ISM1: variants seen among roughly 807,000 people sequenced by gnomAD.
ISM1 encodes the protein isthmin-1.
ISM1 carries 25 observed loss-of-function variants against 46.3 expected under a neutral mutation model. The observed-to-expected ratio is 0.54, with a 90% confidence interval of 0.39 to 0.75. ISM1 has a LOEUF of 0.75. Ranked by LOEUF, ISM1 falls within the 30% of genes least tolerant of loss-of-function variation. The pLI is 0.00. For missense variants in ISM1, 536 were observed against 625.4 expected, an observed-to-expected ratio of 0.86 and a Z score of 1.52; for synonymous variants, 255 against 256.7, an observed-to-expected ratio of 0.99 and a Z score of 0.06.
intron 1 of ISM1, among the ~76,000 whole-genome samples, chr20:13,233,258 G>T (rs939837917): frequency 4.6e-5 from 7 of 152,076 alleles, no homozygotes; most frequent in African/African-American, 1.7e-4. Flanking sequence ...CAAGTTTATT[G>T]CTGGGAATCT....
the ISM1 span, among the ~76,000 whole-genome samples, chr20:13,315,701 C>A: frequency 4.0e-3 from 606 of 152,070 alleles, 6 homozygotes; most frequent in African/African-American, 0.014. Context: ...AATACACTTT[C>A]TTCTCAAGCT....
chr20:13,283,793 G>A (rs774457143), intron 3 of ISM1, among the ~76,000 whole-genome samples: 4 of 152,120 alleles, frequency 2.6e-5, no homozygotes, highest in Non-Finnish European at 5.9e-5. Flanking sequence ...TGTTACTTGG[G>A]TTAGGACCCA....
At chr20:13,291,101 A>G (rs1386228396) in intron 4 of ISM1, among the ~76,000 whole-genome samples, 1 of 152,186 alleles carries the variant, frequency 6.6e-6, no homozygotes, top group African/African-American at 2.4e-5. Context: ...TGGTAGATTT[A>G]AGTGCCTTGT....
intron 1 of ISM1, among the ~76,000 whole-genome samples, chr20:13,258,644 C>T (rs1357156797): frequency 1.3e-5 from 2 of 152,016 alleles, no homozygotes; most frequent in South Asian, 2.1e-4. Context: ...TCTCTTTTCT[C>T]GAACCTCAGT....
At chr20:13,226,716 A>G (rs746936961) in intron 1 of ISM1, among the ~76,000 whole-genome samples, 2 of 152,182 alleles carry the variant, frequency 1.3e-5, no homozygotes, top group Non-Finnish European at 1.5e-5. Flanking sequence ...ATCCTTAAGG[A>G]GTCTAGCTCA....
At chr20:13,310,150 G>C in the ISM1 span, among the ~76,000 whole-genome samples, 1 of 152,070 alleles carries the variant, frequency 6.6e-6, no homozygotes, top group South Asian at 2.1e-4. Flanking sequence ...TTGAGCAAAA[G>C]GAACAAAGCT....
At chr20:13,293,026 C>T (rs997046235) in intron 5 of ISM1, among the ~76,000 whole-genome samples, 1 of 151,828 alleles carries the variant, frequency 6.6e-6, no homozygotes, top group East Asian at 1.9e-4. Flanking sequence ...GAAACCCCCC[C>T]GTCTCTACTA....
chr20:13,233,934 TG>T (rs1480767813), intron 1 of ISM1, among the ~76,000 whole-genome samples: 2 of 152,208 alleles, frequency 1.3e-5, no homozygotes, highest in Middle Eastern at 3.2e-3. Flanking sequence ...TTTTAAGCCA[TG>T]CCCAGAACTA....
downstream of ISM1, among the ~76,000 whole-genome samples, chr20:13,303,229 C>G (rs891741270): frequency 3.3e-5 from 5 of 152,230 alleles, no homozygotes; most frequent in Non-Finnish European, 5.9e-5. Flanking sequence ...CTCTCCTCTC[C>G]TCCTAACTCA....
intron 1 of ISM1, among the ~76,000 whole-genome samples, chr20:13,225,746 C>G (rs1308577851): frequency 6.6e-6 from 1 of 152,168 alleles, no homozygotes; most frequent in Non-Finnish European, 1.5e-5. Flanking sequence ...CATTAAAATG[C>G]ATGGAAACAT....
the ISM1 span, among the ~76,000 whole-genome samples, chr20:13,316,966 A>T: frequency 1.3e-5 from 2 of 152,048 alleles, no homozygotes; most frequent in African/African-American, 4.8e-5. Context: ...AATAAAAGCC[A>T]TATAGATTGA....
chr20:13,229,588 C>G (rs1347479204), intron 1 of ISM1, among the ~76,000 whole-genome samples: 1 of 152,166 alleles, frequency 6.6e-6, no homozygotes, highest in Non-Finnish European at 1.5e-5. Flanking sequence ...TGGTTTGTTT[C>G]CATTGCTTTG....
At chr20:13,293,474 T>G (rs1390407286) in intron 5 of ISM1, among the ~76,000 whole-genome samples, 1 of 151,912 alleles carries the variant, frequency 6.6e-6, no homozygotes, top group Admixed American at 6.6e-5. Context: ...CTGCCCTGCC[T>G]CCTCAGTCAA....
At chr20:13,320,666 GT>G in the ISM1 span, among the ~76,000 whole-genome samples, 1 of 152,222 alleles carries the variant, frequency 6.6e-6, no homozygotes, top group South Asian at 2.1e-4. Flanking sequence ...ATAGTCCCAG[GT>G]AAGTACAAGT....
intron 4 of ISM1, among the ~76,000 whole-genome samples, chr20:13,289,972 A>G (rs1446022132): frequency 6.6e-6 from 1 of 152,198 alleles, no homozygotes; most frequent in African/African-American, 2.4e-5. Context: ...AACCAGAGAC[A>G]TTTGGAACAA....
chr20:13,316,109 G>A, the ISM1 span, among the ~76,000 whole-genome samples: 1 of 151,840 alleles, frequency 6.6e-6, no homozygotes, highest in Admixed American at 6.6e-5. Context: ...TGAAAGAGTG[G>A]ATATCACTAC....
At chr20:13,258,261 G>A (rs946228974) in intron 1 of ISM1, among the ~76,000 whole-genome samples, 3 of 151,970 alleles carry the variant, frequency 2.0e-5, no homozygotes, top group African/African-American at 7.2e-5. Flanking sequence ...CCAATGTTAG[G>A]CATGGCAGGA....
chr20:13,288,614 C>T lies in ISM1; in HGVS notation c.718C>T (p.Arg240Trp), dbSNP rs758843799. 3.1e-6 allele frequency: 5 copies of T among 1,613,860 alleles called. No homozygotes were observed. The South Asian group carries it at 3.3e-5, about 11-fold the overall frequency. The part of the protein sequence containing the change: ...SVTCGNGNQK[R>W]TRSCGYACTA... The stretch of plus-strand genomic sequence containing the variant: ...CACCTGCGGGAACGGCAACCAGAAA[C>T]GGACCCGGTCTTGTGGCTACGCGTG... The change falls in exon 4 of 6, where the codon CGG becomes TGG. Residue 240 changes from arginine to tryptophan, a missense_variant. By Grantham distance (101) the Arg-to-Trp change is moderately radical. Coordinates refer to ENST00000262487, the MANE Select transcript of ISM1 (RefSeq NM_080826.2).
At chr20:13,319,682 G>A in the ISM1 span, among the ~76,000 whole-genome samples, 1 of 152,194 alleles carries the variant, frequency 6.6e-6, no homozygotes. Flanking sequence ...AGAAACATGG[G>A]TTAAGTTTTG....
Sources: allele counts gnomAD v4.1 joint callset (sites outside exome capture counted in the v4.1 genomes callset), GRCh38; gene constraint gnomAD v4.1.1; transcripts MANE v1.5; gene names NCBI Gene and HGNC (gene_info 2026-07-23, HGNC 2026-07-21).